Variants in NME7 observed in about 807,000 individuals in gnomAD.
The protein encoded by NME7 is NME/NM23 family member 7.
Under a neutral mutation model 49.1 loss-of-function variants are expected in NME7, and 41 were observed. The ratio of observed to expected loss-of-function variants is 0.83; its 90% CI spans 0.65 to 1.08. NME7 has a LOEUF of 1.08. Among genes scored for constraint, NME7 ranks in the 50% least tolerant of loss-of-function variants. The probability of loss-of-function intolerance (pLI) is 0.00; values close to 1 mark genes in which losing one functional copy is unlikely to be tolerated. For synonymous variants in NME7, 139 were observed against 150.6 expected (o/e 0.92, Z 0.56); for missense variants, 423 against 463.4 (o/e 0.91, Z 0.80).
intron 11 of NME7, among the ~76,000 whole-genome samples, chr1:169,152,765 G>A (rs1383015947): frequency 1.3e-5 from 2 of 152,000 alleles, no homozygotes; most frequent in African/African-American, 2.4e-5. Context: ...CAGAGTATAC[G>A]CGTCCATTAC....
At chr1:169,187,769 A>C (rs1571275560) in intron 10 of NME7, among the ~76,000 whole-genome samples, 1 of 152,124 alleles carries the variant, frequency 6.6e-6, no homozygotes, top group Non-Finnish European at 1.5e-5. Flanking sequence ...TAATATTGTT[A>C]TGTGTGAATT....
chr1:169,162,417 A>G (rs1331229558), intron 11 of NME7, among the ~76,000 whole-genome samples: 1 of 151,898 alleles, frequency 6.6e-6, no homozygotes, highest in Non-Finnish European at 1.5e-5. Flanking sequence ...AACAGGAAAG[A>G]CCTATGTTTT....
intron 7 of NME7, among the ~76,000 whole-genome samples, chr1:169,257,153 C>A (rs1648978010): frequency 7.4e-6 from 1 of 134,816 alleles, no homozygotes; most frequent in African/African-American, 2.5e-5. Flanking sequence ...GCGGGCGCCC[C>A]TCCCCCAGCC....
chr1:169,317,071 T>G (rs1651658554), intron 3 of NME7, among the ~76,000 whole-genome samples: 1 of 152,052 alleles, frequency 6.6e-6, no homozygotes, highest in African/African-American at 2.4e-5. Flanking sequence ...CATATTTCAA[T>G]GTACATGTAT....
chr1:169,290,880 T>C (rs189411989), intron 6 of NME7, among the ~76,000 whole-genome samples: 2 of 152,086 alleles, frequency 1.3e-5, no homozygotes, highest in Admixed American at 1.3e-4. Flanking sequence ...ACTTCTCAAA[T>C]GAAGACATTT....
chr1:169,353,505 C>T (rs1411112995), intron 1 of NME7, among the ~76,000 whole-genome samples: 1 of 151,920 alleles, frequency 6.6e-6, no homozygotes, highest in Non-Finnish European at 1.5e-5. Context: ...ATTTCTTGAC[C>T]ACCACCACAC....
At chr1:169,306,321 T>C (rs1160272156) in intron 4 of NME7, among the ~76,000 whole-genome samples, 1 of 152,178 alleles carries the variant, frequency 6.6e-6, no homozygotes, top group Non-Finnish European at 1.5e-5. Context: ...AGGTTCATTC[T>C]AATGGCAATA....
Position 169,323,287 on chromosome 1 carries a change from G to A in NME7, c.112-4C>T, listed in dbSNP as rs1346794441. ...TGCGATGATTCTTTACATCATGCTA[G>A]AACCAGACACAACAATATAACAAAC... On this transcript the variant is annotated splice_polypyrimidine_tract_variant and splice_region_variant and intron_variant, in intron 2 of 11. Transcript: ENST00000367811. 1.1e-5 allele frequency: 17 copies of A among 1,575,422 alleles called. No individual in the cohort carries two copies. Among genetic ancestry groups the A allele is most frequent in the Non-Finnish European group, 1.5e-5 (17 of 1,163,498 alleles).
intron 7 of NME7, among the ~76,000 whole-genome samples, chr1:169,274,683 A>G (rs1649628165): frequency 7.5e-6 from 1 of 133,712 alleles, no homozygotes; most frequent in Non-Finnish European, 1.8e-5. Flanking sequence ...CTTTCTACAT[A>G]TGGCTAGCCA....
At chr1:169,277,161 C>G (rs1013295305) in intron 7 of NME7, among the ~76,000 whole-genome samples, 6 of 150,114 alleles carry the variant, frequency 4.0e-5, no homozygotes, top group Admixed American at 2.7e-4. Flanking sequence ...TATGTATATT[C>G]TGTTGATTTG....
intron 7 of NME7, among the ~76,000 whole-genome samples, chr1:169,241,671 AG>A (rs2101833604): frequency 6.6e-6 from 1 of 151,954 alleles, no homozygotes; most frequent in African/African-American, 2.4e-5. Flanking sequence ...AATAAAAAAC[AG>A]GAAAAAGTTA....
intron 1 of NME7, among the ~76,000 whole-genome samples, chr1:169,348,813 TCACCTATATCCACTA>T (rs1557834445): frequency 6.6e-6 from 1 of 151,502 alleles, no homozygotes; most frequent in Non-Finnish European, 1.5e-5. Flanking sequence ...AAAATGTATA[TCACCTATATCCACTA>T]GAAACTGAGT....
chr1:169,253,491 A>C (rs1403664454), intron 7 of NME7, among the ~76,000 whole-genome samples: 2 of 152,072 alleles, frequency 1.3e-5, no homozygotes, highest in Non-Finnish European at 2.9e-5. Flanking sequence ...CTAGATATAC[A>C]ATCATGTCGC....
At chr1:169,230,678 G>A in intron 10 of NME7, 40 bp downstream of exon 10, 1 of 1,395,342 alleles carries the variant, frequency 7.2e-7, no homozygotes, top group South Asian at 1.4e-5. Context: ...ATAGTGAATA[G>A]ATAACACAAA....
At chr1:169,268,929 C>G (rs1435447199) in intron 7 of NME7, among the ~76,000 whole-genome samples, 1 of 132,566 alleles carries the variant, frequency 7.5e-6, no homozygotes, top group East Asian at 2.0e-4. Context: ...CACATGTACC[C>G]CTGAACCTAA....
In NME7 at chr1:169,274,346, A is replaced by T. The variant is rs1404279094; in HGVS notation, c.754+12957T>A. 2.5e-4 allele frequency among the ~76,000 whole-genome samples: 33 copies of T among 132,146 alleles called. 8 individuals carry two copies. The highest frequency in any genetic ancestry group is 5.0e-4 in the Non-Finnish European group (28 of 56,266). 86.7% of individuals were successfully genotyped at this position (132,146 alleles called of 152,430 possible). A position where few individuals can be genotyped will look rare whatever the true frequency, so the allele number is the denominator to read the frequency against. Reference sequence around the variant, plus strand: ...TTTTCTTGTAAATTTGTTTGAGTTCATTGTAGATTCTGGATATTAGCCCTT... The same window carrying T: ...TTTTCTTGTAAATTTGTTTGAGTTCTTTGTAGATTCTGGATATTAGCCCTT... On this transcript the variant is annotated intron_variant, in intron 7 of 11. Transcript: ENST00000367811.
intron 10 of NME7, among the ~76,000 whole-genome samples, chr1:169,182,432 A>G (rs1659955772): frequency 1.3e-5 from 2 of 152,124 alleles, no homozygotes; most frequent in Admixed American, 1.3e-4. Flanking sequence ...ACACCAAGTT[A>G]CCTAGGCCAA....
At chr1:169,167,850 G>T (rs1055971037) in intron 11 of NME7, among the ~76,000 whole-genome samples, 4 of 152,104 alleles carry the variant, frequency 2.6e-5, no homozygotes, top group Admixed American at 2.6e-4. Context: ...GTTAATAAAG[G>T]TGACCAAAAT....
chr1:169,262,082 T>C (rs1649182164), intron 7 of NME7, among the ~76,000 whole-genome samples: 1 of 133,950 alleles, frequency 7.5e-6, no homozygotes, highest in African/African-American at 2.5e-5. Flanking sequence ...CCTGGCCATG[T>C]GACTTTCCTT....
Sources: gnomAD v4.1 joint callset for allele counts (sites outside exome capture counted in the v4.1 genomes callset) on GRCh38, gnomAD v4.1.1 for gene constraint, MANE v1.5 for transcripts, NCBI Gene and HGNC (gene_info 2026-07-23, HGNC 2026-07-21) for gene names.